Variants in TLL1 observed in about 807,000 individuals in gnomAD.
TLL1 encodes tolloid-like protein 1.
TLL1 carries 49 observed loss-of-function variants against 128.2 expected under a neutral mutation model. The ratio of observed to expected loss-of-function variants is 0.38; its 90% CI spans 0.30 to 0.48. The LOEUF is 0.48. TLL1 is among the 20% of genes least tolerant of loss of function. The pLI is 0.96. For synonymous variants in TLL1, 454 were observed against 418.8 expected (o/e 1.08, Z -1.03); for missense variants, 1,123 against 1,242.0 (o/e 0.90, Z 1.44).
chr4:165,874,180 C>T (rs1730620629), intron 1 of TLL1, 107 bp downstream of exon 1: 5 of 1,337,850 alleles, frequency 3.7e-6, no homozygotes, highest in East Asian at 2.3e-5. Context: ...CCGCGTCAGC[C>T]CCTCCGCCGC....
chr4:166,030,278 G>A (rs1400922699), intron 9 of TLL1, among the ~76,000 whole-genome samples: 1 of 151,956 alleles, frequency 6.6e-6, no homozygotes, highest in East Asian at 1.9e-4. Flanking sequence ...GCATCTTTTT[G>A]TATGCTTAAT....
intron 16 of TLL1, among the ~76,000 whole-genome samples, chr4:166,074,138 G>T (rs1212606379): frequency 6.6e-6 from 1 of 152,028 alleles, no homozygotes; most frequent in Non-Finnish European, 1.5e-5. Context: ...ATTTCTTGGG[G>T]CTCGTATTTC....
In TLL1 at chr4:165,930,184, A is replaced by G. The variant is rs780125983; in HGVS notation, c.169+56111A>G. ...AAGGTCTGGGTGCATTCTCCCAGAA[A>G]TCACTGGAGCTCAGCTGGCTTTATT... On this transcript the variant is annotated intron_variant, in intron 1 of 20. Transcript: ENST00000061240. Among the ~76,000 whole-genome samples, 101 of 152,154 alleles carry G rather than the reference A, an allele frequency of 6.6e-4. 1 individual carries two copies. The highest frequency in any genetic ancestry group is 3.3e-4 in the Admixed American group (5 of 15,280).
intron 1 of TLL1, among the ~76,000 whole-genome samples, chr4:165,975,323 T>C (rs945029352): frequency 2.0e-4 from 31 of 151,848 alleles, no homozygotes; most frequent in Non-Finnish European, 5.9e-5. Flanking sequence ...GTAGTACCCC[T>C]TCCCCCTCCC....
chr4:166,037,329 A>T (rs1481744764), intron 9 of TLL1, among the ~76,000 whole-genome samples: 1 of 152,212 alleles, frequency 6.6e-6, no homozygotes, highest in African/African-American at 2.4e-5. Context: ...ATTAGATACT[A>T]AAGCATTTTG....
chr4:165,917,283 C>T (rs1472739428), intron 1 of TLL1, among the ~76,000 whole-genome samples: 1 of 152,090 alleles, frequency 6.6e-6, no homozygotes, highest in Admixed American at 6.6e-5. Flanking sequence ...AAAGTGATTT[C>T]TCCATTACTC....
intron 17 of TLL1, among the ~76,000 whole-genome samples, chr4:166,076,898 C>T (rs1397925153): frequency 6.6e-6 from 1 of 152,150 alleles, no homozygotes; most frequent in African/African-American, 2.4e-5. Context: ...TTAATGATTG[C>T]AGCAGTGGGG....
chr4:166,065,729 A>T lies in TLL1; in HGVS notation c.2054A>T (p.Glu685Val), dbSNP rs1300963108. The change falls in exon 16 of 21, where the codon GAG becomes GTG. Residue 685 changes from glutamate to valine, a missense_variant. This residue lies in a region of TLL1 where 634 missense variants were observed against 672.4 expected (regional missense o/e 0.94). Coordinates refer to ENST00000061240, the MANE Select transcript of TLL1 (RefSeq NM_012464.5). ...GAGATCTGGAGTGGTCTTTCCTCTG[A>T]GTCTAAACTGCATGGCAAATTCTGT... Reference protein sequence around the residue: ...YVEIWSGLSSESKLHGKFCGA... With the variant: ...YVEIWSGLSSVSKLHGKFCGA... 7.5e-6 allele frequency: 12 copies of T among 1,609,784 alleles called. No homozygotes were observed. The highest frequency in any genetic ancestry group is 1.0e-5 in the Non-Finnish European group (12 of 1,178,044).
chr4:166,006,534 T>C (rs945021018), intron 6 of TLL1, among the ~76,000 whole-genome samples: 1 of 151,808 alleles, frequency 6.6e-6, no homozygotes, highest in African/African-American at 2.4e-5. Flanking sequence ...TTAATAAGTA[T>C]AAAATTAGAT....
chr4:166,045,394 C>A (rs1739418941), intron 12 of TLL1, among the ~76,000 whole-genome samples: 1 of 152,062 alleles, frequency 6.6e-6, no homozygotes, highest in Admixed American at 6.6e-5. Context: ...TTAATTCTAC[C>A]TTTTCTCTTA....
chr4:166,093,888 C>T (rs1434285264), intron 19 of TLL1, among the ~76,000 whole-genome samples: 2 of 152,102 alleles, frequency 1.3e-5, no homozygotes, highest in African/African-American at 4.8e-5. Flanking sequence ...TCCCTTAAAC[C>T]TTGATTCCAT....
chr4:166,060,524 C>T (rs78921440), intron 15 of TLL1, among the ~76,000 whole-genome samples: 4,357 of 152,138 alleles, frequency 0.029, 203 homozygotes, highest in African/African-American at 0.098. Flanking sequence ...AACCCTGTGG[C>T]TGAGTCATAA....
intron 6 of TLL1, among the ~76,000 whole-genome samples, chr4:166,005,634 A>G (rs1020519901): frequency 2.0e-5 from 3 of 151,986 alleles, no homozygotes; most frequent in Non-Finnish European, 4.4e-5. Context: ...TTCGTCCTAT[A>G]TACCACTAGG....
chr4:165,906,621 A>C (rs1417319537), intron 1 of TLL1, among the ~76,000 whole-genome samples: 2 of 152,194 alleles, frequency 1.3e-5, no homozygotes, highest in Non-Finnish European at 2.9e-5. Flanking sequence ...AATTATAAGA[A>C]AGGAGATAAG....
rs776695173 is a variant in TLL1, at chr4:166,008,062, G to A, written c.917+14G>A. 6.3e-7 allele frequency: 1 copy of A among 1,595,344 alleles called. No individual in the cohort carries two copies. Among genetic ancestry groups the A allele is most frequent in the East Asian group, 2.2e-5 (1 of 44,588 alleles). ...CACCTTCTCAAGGTTGGAGTCTCAG[G>A]TTATACCTTTTGACTTTTAATTCCT... On this transcript the variant is annotated intron_variant, in intron 7 of 20. Coordinates refer to ENST00000061240, the MANE Select transcript of TLL1 (RefSeq NM_012464.5).
chr4:165,925,307 C>G (rs1295141074), intron 1 of TLL1, among the ~76,000 whole-genome samples: 1 of 152,170 alleles, frequency 6.6e-6, no homozygotes, highest in African/African-American at 2.4e-5. Context: ...CAATGAGATT[C>G]ATGGGATGAG....
chr4:166,061,646 A>C (rs1050096486), intron 15 of TLL1, among the ~76,000 whole-genome samples: 1 of 151,960 alleles, frequency 6.6e-6, no homozygotes, highest in Non-Finnish European at 1.5e-5. Flanking sequence ...GAGGTAGCTG[A>C]CTTCTGTGTT....
intron 1 of TLL1, among the ~76,000 whole-genome samples, chr4:165,895,346 C>T (rs1579452264): frequency 6.6e-6 from 1 of 151,960 alleles, no homozygotes; most frequent in Non-Finnish European, 1.5e-5. Flanking sequence ...GGTTTCACTT[C>T]TATATAATGA....
At chr4:166,090,742 G>T (rs17047248) in intron 18 of TLL1, among the ~76,000 whole-genome samples, 1 of 151,694 alleles carries the variant, frequency 6.6e-6, no homozygotes, top group Non-Finnish European at 1.5e-5. Context: ...AATGTTCAAC[G>T]GGTTCTATGA....
Sources: allele counts gnomAD v4.1 joint callset (sites outside exome capture counted in the v4.1 genomes callset), GRCh38; gene constraint gnomAD v4.1.1; regional missense constraint gnomAD v4.1.1; transcripts MANE v1.5; gene names NCBI Gene and HGNC (gene_info 2026-07-23, HGNC 2026-07-21).